The following NCOA2 variants were observed in gnomAD, a reference collection of about 807,000 sequenced individuals.
The protein encoded by NCOA2 is class E basic helix-loop-helix protein 75.
NCOA2 carries 21 observed loss-of-function variants against 145.1 expected under a neutral mutation model. That is an observed-to-expected ratio of 0.14 (90% CI 0.10 to 0.21). NCOA2 has a LOEUF of 0.21. Among genes scored for constraint, NCOA2 ranks in the 10% least tolerant of loss-of-function variants. The pLI, the probability that NCOA2 is intolerant of heterozygous loss-of-function variation, is 1.00. For synonymous variants in NCOA2, 619 were observed against 637.5 expected (o/e 0.97, Z 0.44); for missense variants, 1,472 against 1,837.6 (o/e 0.80, Z 3.64).
chr8:70,192,980 T>C (rs571617244), intron 4 of NCOA2, among the ~76,000 whole-genome samples: 2 of 150,308 alleles, frequency 1.3e-5, no homozygotes, highest in East Asian at 2.0e-4. Context: ...GGCAGGAGAA[T>C]TGCTTGAACC....
At chr8:70,150,755 C>T (rs532859523) in intron 11 of NCOA2, among the ~76,000 whole-genome samples, 1 of 152,158 alleles carries the variant, frequency 6.6e-6, no homozygotes, top group African/African-American at 2.4e-5. Flanking sequence ...AGATTGTCCT[C>T]CAAGGACAGT....
At chr8:70,414,601 A>G in the NCOA2 span, among the ~76,000 whole-genome samples, 1 of 152,222 alleles carries the variant, frequency 6.6e-6, no homozygotes, top group Non-Finnish European at 1.5e-5. Flanking sequence ...AAAAATGCAT[A>G]TGATGGTTAT....
chr8:70,417,327 T>C, the NCOA2 span, among the ~76,000 whole-genome samples: 2 of 146,578 alleles, frequency 1.4e-5, no homozygotes, highest in Non-Finnish European at 3.0e-5. Flanking sequence ...GGTGGGTGGA[T>C]CACCTGAGGT....
chr8:70,304,676 T>TA (rs1827754896), intron 1 of NCOA2, among the ~76,000 whole-genome samples: 2 of 151,590 alleles, frequency 1.3e-5, no homozygotes, highest in East Asian at 1.9e-4. Flanking sequence ...GTTTTTTTTT[T>TA]AGTAGAGACA....
At chr8:70,297,505 T>A (rs1039611997) in intron 1 of NCOA2, among the ~76,000 whole-genome samples, 11 of 152,202 alleles carry the variant, frequency 7.2e-5, no homozygotes, top group African/African-American at 2.2e-4. Context: ...AGCTAATCTT[T>A]TATTTTTTGT....
chr8:70,130,575 A>G (rs1023542287), intron 16 of NCOA2, among the ~76,000 whole-genome samples: 1 of 152,228 alleles, frequency 6.6e-6, no homozygotes, highest in African/African-American at 2.4e-5. Flanking sequence ...TGTAACCTCA[A>G]GTCATTTCTT....
intron 1 of NCOA2, among the ~76,000 whole-genome samples, chr8:70,390,933 T>G (rs1813144402): frequency 6.6e-6 from 1 of 152,196 alleles, no homozygotes; most frequent in African/African-American, 2.4e-5. Flanking sequence ...ACATTTATGG[T>G]CTATTTCTCA....
At chr8:70,355,495 C>T (rs1809601881) in intron 1 of NCOA2, among the ~76,000 whole-genome samples, 1 of 152,186 alleles carries the variant, frequency 6.6e-6, no homozygotes, top group Non-Finnish European at 1.5e-5. Context: ...ACAAGCTTGT[C>T]CAATCCATGG....
chr8:70,150,926 A>G (rs992652765), intron 11 of NCOA2, among the ~76,000 whole-genome samples: 3 of 152,178 alleles, frequency 2.0e-5, no homozygotes, highest in African/African-American at 7.2e-5. Flanking sequence ...ATGTGTGGTA[A>G]ATTTCCTTAC....
chr8:70,111,402 T>A lies in NCOA2; in HGVS notation c.*2230A>T, dbSNP rs915507789. On this transcript the variant is annotated 3_prime_UTR_variant, in exon 23 of 23. Coordinates refer to ENST00000452400, the MANE Select transcript of NCOA2 (RefSeq NM_006540.4). ...ACATATTTCTGAACATTAAAACTGGTCACACTGAATTGTATGCCACATGAG... is the reference window on the plus strand; with the variant it reads ...ACATATTTCTGAACATTAAAACTGGACACACTGAATTGTATGCCACATGAG... The A allele has an allele frequency of 9.0e-6, 2 of 221,832 alleles. No homozygotes were observed. Among genetic ancestry groups the A allele is most frequent in the Admixed American group, 1.2e-4 (2 of 17,366 alleles). The allele number at this position is 221,832 out of a possible 1,614,324, so 13.7% of individuals were successfully genotyped here. A position where few individuals can be genotyped will look rare whatever the true frequency, so the allele number is the denominator to read the frequency against.
chr8:70,208,557 G>A (rs567918270), intron 4 of NCOA2, among the ~76,000 whole-genome samples: 89 of 152,240 alleles, frequency 5.8e-4, no homozygotes, highest in African/African-American at 2.1e-3. Context: ...AGAAGTCAAC[G>A]CCTCATTTCG....
At position 70,156,649 on chromosome 8, in the gene NCOA2, G is replaced by A. The variant is rs1194969563; in HGVS notation, c.1716C>T (p.Pro572=). 7.4e-6 allele frequency: 12 copies of A among 1,613,828 alleles called. No individual in the cohort carries two copies. The highest frequency in any genetic ancestry group is 1.0e-5 in the Non-Finnish European group (12 of 1,179,896). The change falls in exon 11 of 23, where the codon CCC becomes CCT. Residue 572 remains proline, a synonymous_variant. Coordinates refer to ENST00000452400, the MANE Select transcript of NCOA2 (RefSeq NM_006540.4). ...CCAAGCTTCCCATCTTGCTGAGTGG[G>A]GGAGGATTCATATTAACTGGGGAGT... ...LQNSPVNMNP[P]PLSKMGSLDS... is the part of the protein sequence containing the mutation.
upstream of NCOA2, among the ~76,000 whole-genome samples, chr8:70,406,876 T>TA (rs1178357060): frequency 6.6e-5 from 10 of 152,188 alleles, no homozygotes; most frequent in Admixed American, 3.9e-4. Flanking sequence ...AACAGTATGG[T>TA]AAAAAAGAGC....
chr8:70,324,798 C>A (rs1242987239), intron 1 of NCOA2, among the ~76,000 whole-genome samples: 2 of 152,048 alleles, frequency 1.3e-5, no homozygotes, highest in East Asian at 1.9e-4. Context: ...ATATCTGAAC[C>A]AACTATTTCA....
intron 2 of NCOA2, among the ~76,000 whole-genome samples, chr8:70,228,873 A>C (rs1317369343): frequency 6.6e-6 from 1 of 152,234 alleles, no homozygotes; most frequent in Non-Finnish European, 1.5e-5. Context: ...CTGAAATTTA[A>C]ACCCTGGTTC....
At chr8:70,172,246 C>T (rs1814337638) in intron 5 of NCOA2, among the ~76,000 whole-genome samples, 1 of 152,232 alleles carries the variant, frequency 6.6e-6, no homozygotes, top group South Asian at 2.1e-4. Flanking sequence ...TAGGCATGAG[C>T]CACTATGCCC....
At chr8:70,248,122 G>T (rs1822780556) in intron 2 of NCOA2, among the ~76,000 whole-genome samples, 1 of 152,202 alleles carries the variant, frequency 6.6e-6, no homozygotes, top group Non-Finnish European at 1.5e-5. Context: ...ATTTTATGAT[G>T]GTGGTTGTAT....
chr8:70,442,239 C>T, the NCOA2 span, among the ~76,000 whole-genome samples: 802 of 152,186 alleles, frequency 5.3e-3, 7 homozygotes, highest in African/African-American at 0.018. Context: ...AGGTAATGTT[C>T]CCATTAAAGT....
intron 2 of NCOA2, among the ~76,000 whole-genome samples, chr8:70,292,440 G>A (rs1248545990): frequency 2.0e-5 from 3 of 151,258 alleles, no homozygotes; most frequent in Non-Finnish European, 4.4e-5. Context: ...GTGAGCCACC[G>A]CACCCAGCCC....
Sources: gnomAD v4.1 joint callset for allele counts (sites outside exome capture counted in the v4.1 genomes callset) on GRCh38, gnomAD v4.1.1 for gene constraint, MANE v1.5 for transcripts, NCBI Gene and HGNC (gene_info 2026-07-23, HGNC 2026-07-21) for gene names.